The following PDE4B variants were observed in gnomAD, a reference collection of about 807,000 sequenced individuals.
The protein encoded by PDE4B is 3',5'-cyclic-AMP phosphodiesterase 4B.
PDE4B carries 20 observed loss-of-function variants against 82.2 expected under a neutral mutation model. The ratio of observed to expected loss-of-function variants is 0.24; its 90% CI spans 0.17 to 0.35. PDE4B has a LOEUF of 0.35. Among genes scored for constraint, PDE4B ranks in the 10% least tolerant of loss-of-function variants. PDE4B has a pLI of 1.00. For missense variants in PDE4B, 655 were observed against 907.2 expected, an observed-to-expected ratio of 0.72 and a Z score of 3.57; for synonymous variants, 320 against 318.9, an observed-to-expected ratio of 1.00 and a Z score of -0.04.
At chr1:65,956,221 A>G (rs1050823021) in intron 3 of PDE4B, among the ~76,000 whole-genome samples, 4 of 152,094 alleles carry the variant, frequency 2.6e-5, no homozygotes, top group African/African-American at 9.7e-5. Context: ...TACTACTGGG[A>G]TATATTTAAG....
At chr1:66,120,378 T>G (rs958308508) in intron 3 of PDE4B, among the ~76,000 whole-genome samples, 6 of 152,126 alleles carry the variant, frequency 3.9e-5, no homozygotes, top group Non-Finnish European at 7.4e-5. Context: ...TTGAAGTACA[T>G]TCTCCTCCTG....
chr1:65,850,180 T>C (rs1411034947), intron 1 of PDE4B, among the ~76,000 whole-genome samples: 1 of 135,112 alleles, frequency 7.4e-6, no homozygotes, highest in Non-Finnish European at 1.5e-5. Context: ...AACTGCAACC[T>C]CTGCCTCTCA....
At chr1:66,053,813 C>T (rs181882518) in intron 3 of PDE4B, among the ~76,000 whole-genome samples, 4 of 152,062 alleles carry the variant, frequency 2.6e-5, no homozygotes, top group Admixed American at 6.6e-5. Flanking sequence ...GAGCTGAGAT[C>T]GTGCCACTGC....
chr1:65,921,270 A>C (rs1022692673), intron 3 of PDE4B, among the ~76,000 whole-genome samples: 1 of 152,094 alleles, frequency 6.6e-6, no homozygotes, highest in Non-Finnish European at 1.5e-5. Context: ...GCCCGGCCCT[A>C]AAAGCATTTC....
chr1:66,127,796 G>A (rs749014460), intron 3 of PDE4B, among the ~76,000 whole-genome samples: 1 of 151,942 alleles, frequency 6.6e-6, no homozygotes. Context: ...CAAGATTACT[G>A]GCATCATAGT....
At chr1:66,232,598 G>C (rs1360934817) in intron 3 of PDE4B, among the ~76,000 whole-genome samples, 1 of 152,006 alleles carries the variant, frequency 6.6e-6, no homozygotes, top group Non-Finnish European at 1.5e-5. Context: ...CCAACATTTA[G>C]AATTGGAAAA....
intron 3 of PDE4B, among the ~76,000 whole-genome samples, chr1:66,172,030 T>C (rs1646846925): frequency 6.6e-6 from 1 of 152,144 alleles, no homozygotes; most frequent in Non-Finnish European, 1.5e-5. Context: ...GATGCTGAGG[T>C]TTGGAGTACG....
intron 3 of PDE4B, among the ~76,000 whole-genome samples, chr1:65,990,921 A>G (rs1651207341): frequency 6.6e-6 from 1 of 152,114 alleles, no homozygotes; most frequent in Non-Finnish European, 1.5e-5. Context: ...CCAGAGTAGT[A>G]CCGTAAACCA....
At chr1:66,185,551 T>C (rs1228375725) in intron 3 of PDE4B, among the ~76,000 whole-genome samples, 2 of 152,098 alleles carry the variant, frequency 1.3e-5, no homozygotes, top group African/African-American at 4.8e-5. Context: ...TGTGAGATGG[T>C]ATCTCATTGT....
At position 65,845,220 on chromosome 1, in the gene PDE4B, T is replaced by G. The variant is rs967285979; in HGVS notation, c.-71+51972T>G. Among the ~76,000 whole-genome samples the G allele has an allele frequency of 7.9e-5, 12 of 152,322 alleles. No individual in the cohort carries two copies. In the East Asian group the frequency reaches 2.3e-3, roughly 29 times the overall value. On this transcript the variant is annotated intron_variant, in intron 1 of 16. Transcript: ENST00000341517. ...AGTGAGCTTAAACAACATGCAGTAC[T>G]TCTCTCCACAGTTATAAATAATTGT... is the stretch of plus-strand genomic sequence containing the variant.
At chr1:66,057,051 A>G (rs1021729915) in intron 3 of PDE4B, among the ~76,000 whole-genome samples, 2 of 152,222 alleles carry the variant, frequency 1.3e-5, no homozygotes, top group Admixed American at 6.5e-5. Flanking sequence ...GAATGTATGT[A>G]TATTCATCTC....
chr1:65,885,889 ATAATAATAG>A (rs1276378561), intron 1 of PDE4B, among the ~76,000 whole-genome samples: 10 of 147,906 alleles, frequency 6.8e-5, no homozygotes, highest in African/African-American at 2.5e-4. Context: ...AATAATAATA[ATAATAATAG>A]CATCCCTTGC....
At chr1:65,904,524 A>G (rs554552491) in intron 1 of PDE4B, among the ~76,000 whole-genome samples, 1 of 152,194 alleles carries the variant, frequency 6.6e-6, no homozygotes, top group East Asian at 1.9e-4. Flanking sequence ...TGCCAACTGC[A>G]TATCTCTCCT....
chr1:65,902,757 G>C (rs1646985622), intron 1 of PDE4B, among the ~76,000 whole-genome samples: 1 of 152,140 alleles, frequency 6.6e-6, no homozygotes. Flanking sequence ...AAATGCCCAA[G>C]TACATGACTA....
intron 1 of PDE4B, among the ~76,000 whole-genome samples, chr1:65,818,695 T>C (rs909701527): frequency 6.7e-6 from 1 of 148,688 alleles, no homozygotes; most frequent in African/African-American, 2.4e-5. Flanking sequence ...CATATATATA[T>C]ATATATATAA....
intron 3 of PDE4B, among the ~76,000 whole-genome samples, chr1:66,099,598 A>G (rs968079694): frequency 2.6e-5 from 4 of 152,062 alleles, no homozygotes; most frequent in Admixed American, 2.0e-4. Flanking sequence ...TTGTTTTTCT[A>G]TTTTGGCAAT....
intron 3 of PDE4B, among the ~76,000 whole-genome samples, chr1:66,211,603 C>T (rs751905563): frequency 6.6e-5 from 10 of 152,172 alleles, no homozygotes; most frequent in Non-Finnish European, 1.0e-4. Flanking sequence ...ATGCATGCAT[C>T]ATCTCATTTA....
intron 1 of PDE4B, among the ~76,000 whole-genome samples, chr1:65,810,827 C>A (rs1645810335): frequency 6.6e-6 from 1 of 152,074 alleles, no homozygotes; most frequent in Admixed American, 6.6e-5. Context: ...GCCATAAGTG[C>A]TACCCCCTTT....
chr1:66,216,758 T>C (rs1401454274), intron 3 of PDE4B, among the ~76,000 whole-genome samples: 1 of 152,152 alleles, frequency 6.6e-6, no homozygotes, highest in Non-Finnish European at 1.5e-5. Flanking sequence ...GGAAAAGAGA[T>C]GCAGAAACAA....
Sources: gnomAD v4.1 joint callset for allele counts (sites outside exome capture counted in the v4.1 genomes callset) on GRCh38, gnomAD v4.1.1 for gene constraint, MANE v1.5 for transcripts, NCBI Gene and HGNC (gene_info 2026-07-23, HGNC 2026-07-21) for gene names.